The following ROBO1 variants were observed in gnomAD, a reference collection of about 807,000 sequenced individuals.
ROBO1 encodes roundabout guidance receptor 1.
A neutral mutation model predicts 195.9 loss-of-function variants in ROBO1; 149 were observed. That is an observed-to-expected ratio of 0.76 (90% CI 0.67 to 0.87). ROBO1 has a LOEUF of 0.87. Ranked by LOEUF, ROBO1 falls within the 40% of genes least tolerant of loss-of-function variation. The probability of loss-of-function intolerance (pLI) is 0.00; values close to 1 mark genes in which losing one functional copy is unlikely to be tolerated. For synonymous variants in ROBO1, 816 were observed against 733.2 expected (o/e 1.11, Z -1.82); for missense variants, 1,933 against 2,068.3 (o/e 0.93, Z 1.27).
intron 1 of ROBO1, among the ~76,000 whole-genome samples, chr3:79,635,106 G>C (rs1297534256): frequency 6.6e-6 from 1 of 152,158 alleles, no homozygotes; most frequent in African/African-American, 2.4e-5. Flanking sequence ...TTTAGAGGCT[G>C]ATGCATGGTT....
chr3:78,602,139 C>G (rs577531480), intron 29 of ROBO1, among the ~76,000 whole-genome samples: 1 of 152,054 alleles, frequency 6.6e-6, no homozygotes, highest in Non-Finnish European at 1.5e-5. Flanking sequence ...GTAATCCCCA[C>G]TGTTGGAGGT....
chr3:78,995,055 T>C (rs1381922828), intron 3 of ROBO1, among the ~76,000 whole-genome samples: 1 of 152,284 alleles, frequency 6.6e-6, no homozygotes, highest in East Asian at 1.9e-4. Context: ...GAAGTGTCTA[T>C]TCTGCTGTCT....
rs577353963 is a variant in ROBO1 at position 79,512,119 on chromosome 3, C to T, written c.88+77705G>A. 1.1e-4 allele frequency among the ~76,000 whole-genome samples: 17 copies of T among 152,222 alleles called. No individual in the cohort carries two copies. The East Asian group carries it at 1.9e-3, about 17-fold the overall frequency. On this transcript the variant is annotated intron_variant, in intron 2 of 30. Coordinates refer to ENST00000464233, the MANE Select transcript of ROBO1 (RefSeq NM_002941.4). ...AAAACTGATAGTAATGTCTACACAT[C>T]GTCTGGTGCAACCCACTTTTTCAGG...
At position 78,656,345 on chromosome 3, in the gene ROBO1, A is replaced by AT. The variant is rs5850382; in HGVS notation, c.2614+752dup. 3.0e-3 allele frequency among the ~76,000 whole-genome samples: 263 copies of AT among 88,600 alleles called. 1 individual carries two copies. Among genetic ancestry groups the AT allele is most frequent in the African/African-American group, 9.1e-3 (215 of 23,704 alleles). 58.1% of individuals were successfully genotyped at this position (88,600 alleles called of 152,430 possible). On this transcript the variant is annotated intron_variant, in intron 18 of 30. Coordinates refer to ENST00000464233, the MANE Select transcript of ROBO1 (RefSeq NM_002941.4). ...TTTTAAATTGAAGTTTGCTTATTTG[A>AT]TTTTTTTTTTTTTTTTTTTTTTTGA...
At chr3:79,700,685 C>T (rs188865039) in intron 1 of ROBO1, among the ~76,000 whole-genome samples, 136 of 151,516 alleles carry the variant, frequency 9.0e-4, no homozygotes, top group African/African-American at 3.1e-3. Context: ...TTGAAAAGTG[C>T]CTGTTAGTGT....
chr3:78,864,875 C>T (rs1213794068), intron 4 of ROBO1, among the ~76,000 whole-genome samples: 1 of 151,886 alleles, frequency 6.6e-6, no homozygotes, highest in African/African-American at 2.4e-5. Context: ...GTTACTACTA[C>T]CCAATGTTTA....
chr3:79,019,018 G>A lies in ROBO1; in HGVS notation c.173-80091C>T, dbSNP rs970026300. 75 of 989,860 alleles carry A rather than the reference G, an allele frequency of 7.6e-5. 2 individuals are homozygous for A. The Admixed American group carries it at 1.9e-3, about 25-fold the overall frequency. 61.3% of individuals were successfully genotyped at this position (989,860 alleles called of 1,614,324 possible). A position where few individuals can be genotyped will look rare whatever the true frequency, so the allele number is the denominator to read the frequency against. On this transcript the variant is annotated intron_variant, in intron 3 of 30. Transcript: ENST00000464233. ...AGGAAGGGCTCGGGGTGCCGGGAGTGTGACTGGGTGACTCCGCGCGCAGAG... is the reference window on the plus strand; with the variant it reads ...AGGAAGGGCTCGGGGTGCCGGGAGTATGACTGGGTGACTCCGCGCGCAGAG...
chr3:78,768,400 T>A (rs1220314192), intron 4 of ROBO1, among the ~76,000 whole-genome samples: 1 of 151,986 alleles, frequency 6.6e-6, no homozygotes, highest in Non-Finnish European at 1.5e-5. Flanking sequence ...AATTATAAAC[T>A]TTAAAAAAAT....
At position 79,054,915 on chromosome 3, in the gene ROBO1, A is replaced by G. The variant is rs2108379396; in HGVS notation, c.172+70541T>C. 1.3e-5 allele frequency among the ~76,000 whole-genome samples: 2 copies of G among 152,252 alleles called. 1 individual carries two copies. The highest frequency in any genetic ancestry group is 4.1e-4 in the South Asian group (2 of 4,824). On this transcript the variant is annotated intron_variant, in intron 3 of 30. Transcript: ENST00000464233. ...TCCCAACGCAGCCTCCAGCACAAAC[A>G]AATTTATCTACAGCCAACCCAGATG...
At chr3:78,979,378 C>A (rs1352192176) in intron 3 of ROBO1, among the ~76,000 whole-genome samples, 1 of 152,160 alleles carries the variant, frequency 6.6e-6, no homozygotes, top group Admixed American at 6.6e-5. Context: ...CCGTTACAAC[C>A]CTGCTGTTCC....
At chr3:79,366,942 A>T (rs2036000564) in intron 2 of ROBO1, among the ~76,000 whole-genome samples, 1 of 152,184 alleles carries the variant, frequency 6.6e-6, no homozygotes, top group Non-Finnish European at 1.5e-5. Flanking sequence ...GAGCTATTGC[A>T]CTTGGTCAGA....
intron 4 of ROBO1, among the ~76,000 whole-genome samples, chr3:78,776,522 T>A (rs1424141589): frequency 6.6e-6 from 1 of 152,202 alleles, no homozygotes; most frequent in Admixed American, 6.5e-5. Context: ...AGTGCTGGGA[T>A]CAGAGGCGTG....
chr3:79,321,193 T>C (rs900825167), intron 2 of ROBO1, among the ~76,000 whole-genome samples: 1 of 152,158 alleles, frequency 6.6e-6, no homozygotes, highest in African/African-American at 2.4e-5. Flanking sequence ...CTTTTTTTTT[T>C]CTTGAGTTCA....
intron 4 of ROBO1, among the ~76,000 whole-genome samples, chr3:78,913,454 A>G (rs1015343580): frequency 2.0e-5 from 3 of 152,192 alleles, no homozygotes; most frequent in African/African-American, 7.2e-5. Context: ...CAAAAGATTA[A>G]TAATCTAGAG....
intron 2 of ROBO1, among the ~76,000 whole-genome samples, chr3:79,584,625 G>GTACGTGTA (rs145141260): frequency 0.14 from 20,452 of 144,742 alleles, 2,063 homozygotes; most frequent in African/African-American, 0.27. Flanking sequence ...GTGTGTGTGT[G>GTACGTGTA]TGTGTGTGTG....
intron 28 of ROBO1, among the ~76,000 whole-genome samples, chr3:78,610,345 T>C (rs1219261065): frequency 6.6e-6 from 1 of 151,926 alleles, no homozygotes; most frequent in African/African-American, 2.4e-5. Flanking sequence ...AAAGAGAGAG[T>C]TAGAAAACAG....
intron 1 of ROBO1, among the ~76,000 whole-genome samples, chr3:79,623,957 G>A (rs902200603): frequency 2.0e-5 from 3 of 152,132 alleles, no homozygotes; most frequent in Non-Finnish European, 4.4e-5. Flanking sequence ...GAAAGGCCTG[G>A]TCACCTACAA....
At chr3:78,641,555 G>C (rs1437741072) in intron 21 of ROBO1, among the ~76,000 whole-genome samples, 5 of 152,120 alleles carry the variant, frequency 3.3e-5, no homozygotes, top group Admixed American at 6.6e-5. Context: ...CCTTGAAATA[G>C]ATATTAGTTA....
chr3:78,963,713 T>C (rs1429690297), intron 3 of ROBO1, among the ~76,000 whole-genome samples: 1 of 151,744 alleles, frequency 6.6e-6, no homozygotes. Flanking sequence ...GAGACGGGGT[T>C]TCACCGTGTT....
Sources: allele counts gnomAD v4.1 joint callset (sites outside exome capture counted in the v4.1 genomes callset), GRCh38; gene constraint gnomAD v4.1.1; transcripts MANE v1.5; gene names NCBI Gene and HGNC (gene_info 2026-07-23, HGNC 2026-07-21).